The following UACA variants were observed in gnomAD, a reference collection of about 807,000 sequenced individuals.
The protein encoded by UACA is uveal autoantigen with coiled-coil domains and ankyrin repeats, also known as nuclear membrane binding protein.
In UACA, 112 loss-of-function variants were observed where a neutral mutation model predicts 160.5. The observed-to-expected ratio is 0.70, with a 90% confidence interval of 0.60 to 0.82. The LOEUF is 0.82. Among genes scored for constraint, UACA ranks in the 40% least tolerant of loss-of-function variants. The pLI is 0.00. For synonymous variants in UACA, 557 were observed against 568.4 expected (o/e 0.98, Z 0.29); for missense variants, 1,574 against 1,614.6 (o/e 0.97, Z 0.43).
chr15:70,698,255 T>A (rs1460333072), intron 2 of UACA, among the ~76,000 whole-genome samples: 1 of 152,110 alleles, frequency 6.6e-6, no homozygotes, highest in Admixed American at 6.6e-5. Flanking sequence ...ACATTCGAAG[T>A]ATGAATGGGC....
intron 1 of UACA, among the ~76,000 whole-genome samples, chr15:70,721,083 T>C (rs1898976527): frequency 6.6e-6 from 1 of 151,930 alleles, no homozygotes; most frequent in African/African-American, 2.4e-5. Context: ...TGCAGTGAAG[T>C]TGATTAATAC....
intron 1 of UACA, among the ~76,000 whole-genome samples, chr15:70,719,300 C>T (rs1320987400): frequency 6.6e-6 from 1 of 152,136 alleles, no homozygotes; most frequent in Non-Finnish European, 1.5e-5. Context: ...TGACATAAAC[C>T]CAGGGCAAAG....
chr15:70,667,247 T>C lies in UACA; in HGVS notation c.3437A>G (p.Gln1146Arg), dbSNP rs989553182. ...TTGATGCAGTTTGGTCACTGTCTGC[T>C]GCTCTTTCTCGTAACACCTTTGCAT... ...KSMQRCYEKE[Q>R]QTVTKLHQLL... The change falls in exon 16 of 19, where the codon CAG becomes CGG. Residue 1146 changes from glutamine (Q) to arginine (R), a missense_variant. Transcript: ENST00000322954. The C allele has an allele frequency of 6.2e-7, 1 of 1,613,932 alleles. No homozygotes were observed. The highest frequency in any genetic ancestry group is 8.5e-7 in the Non-Finnish European group (1 of 1,179,968).
intron 1 of UACA, among the ~76,000 whole-genome samples, chr15:70,741,177 C>T (rs1899524032): frequency 6.6e-6 from 1 of 152,194 alleles, no homozygotes; most frequent in African/African-American, 2.4e-5. Context: ...AGGCAAGAGC[C>T]TGCTGTTCTC....
At chr15:70,708,321 A>G (rs537513148) in intron 1 of UACA, among the ~76,000 whole-genome samples, 1 of 152,306 alleles carries the variant, frequency 6.6e-6, no homozygotes, top group East Asian at 1.9e-4. Context: ...TCAATTTTGC[A>G]AGATAAAGTT....
intron 17 of UACA, chr15:70,660,512 G>A: frequency 3.1e-6 from 1 of 323,816 alleles, no homozygotes; most frequent in Non-Finnish European, 5.6e-6. Context: ...CACATGTCTG[G>A]ATTATTGCAA....
rs370819736 is a variant in UACA at position 70,655,692 on chromosome 15, G to A, written c.*1364C>T. 12 of 152,242 alleles carry A rather than the reference G, an allele frequency of 7.9e-5. No individual in the cohort carries two copies. Among genetic ancestry groups the A allele is most frequent in the African/African-American group, 2.9e-4 (12 of 41,554 alleles). 9.4% of individuals were successfully genotyped at this position (152,242 alleles called of 1,614,324 possible). A position where few individuals can be genotyped will look rare whatever the true frequency, so the allele number is the denominator to read the frequency against. On this transcript the variant is annotated 3_prime_UTR_variant, in exon 19 of 19. Coordinates refer to ENST00000322954, the MANE Select transcript of UACA (RefSeq NM_018003.4). The stretch of plus-strand genomic sequence containing the variant: ...AACAAATCCAATTCTGACTTTCAAT[G>A]TTGTTTCAACACCGAAAAAATATGA...
At chr15:70,693,487 CATT>C (rs1292079927) in intron 3 of UACA, among the ~76,000 whole-genome samples, 2 of 152,050 alleles carry the variant, frequency 1.3e-5, no homozygotes, top group Admixed American at 6.6e-5. Context: ...TTATAACAGA[CATT>C]ATAGCAATTG....
At chr15:70,729,861 GGCACCCCCCAGC>G (rs1899266942) in intron 1 of UACA, among the ~76,000 whole-genome samples, 3 of 125,186 alleles carry the variant, frequency 2.4e-5, no homozygotes, top group Admixed American at 7.6e-5. Context: ...CTAACTGGGA[GGCACCCCCCAGC>G]AGGGGCACAC....
At chr15:70,664,988 A>G (rs929514604) in intron 16 of UACA, 174 bp from the exon 17 acceptor site, 1 of 466,118 alleles carries the variant, frequency 2.1e-6, no homozygotes, top group Non-Finnish European at 3.7e-6. Flanking sequence ...TGTAATTTAT[A>G]ATTAAATCCC....
chr15:70,686,114 C>A (rs1395283039), intron 7 of UACA, among the ~76,000 whole-genome samples: 1 of 151,696 alleles, frequency 6.6e-6, no homozygotes, highest in Non-Finnish European at 1.5e-5. Context: ...TATTAAAAAG[C>A]CACTTCTTAA....
At chr15:70,710,201 GC>G (rs1898641474) in intron 1 of UACA, among the ~76,000 whole-genome samples, 1 of 152,168 alleles carries the variant, frequency 6.6e-6, no homozygotes, top group South Asian at 2.1e-4. Flanking sequence ...GCTGCAGTGA[GC>G]CAAGTTCGTG....
chr15:70,663,106 C>T (rs1182143154), intron 17 of UACA, among the ~76,000 whole-genome samples: 1 of 152,198 alleles, frequency 6.6e-6, no homozygotes, highest in Non-Finnish European at 1.5e-5. Flanking sequence ...TTTTTGCAAT[C>T]CACTCATCTG....
intron 1 of UACA, among the ~76,000 whole-genome samples, chr15:70,762,306 T>C (rs1332110546): frequency 6.6e-6 from 1 of 152,200 alleles, no homozygotes. Flanking sequence ...ATAAAAAGAA[T>C]ATAATCATTT....
intron 16 of UACA, 54 bp from the exon 17 acceptor site, chr15:70,664,868 A>T: frequency 6.9e-7 from 1 of 1,445,132 alleles, no homozygotes; most frequent in Non-Finnish European, 9.4e-7. Context: ...TGTACAATGA[A>T]CATCTTTGTA....
At chr15:70,728,208 C>T (rs1899204751) in intron 1 of UACA, among the ~76,000 whole-genome samples, 1 of 152,252 alleles carries the variant, frequency 6.6e-6, no homozygotes, top group South Asian at 2.1e-4. Context: ...CTACCTTTCA[C>T]CATATACAAA....
the UACA span, among the ~76,000 whole-genome samples, chr15:70,769,338 CAAAAA>C: frequency 1.3e-5 from 1 of 77,700 alleles, no homozygotes; most frequent in Non-Finnish European, 2.2e-5. Flanking sequence ...GACTCCGACT[CAAAAA>C]AAAAAAAAAA....
intron 13 of UACA, among the ~76,000 whole-genome samples, chr15:70,673,145 G>C (rs1440579100): frequency 6.6e-6 from 1 of 151,656 alleles, no homozygotes; most frequent in Non-Finnish European, 1.5e-5. Flanking sequence ...ACATTAGCTG[G>C]GCAGGGTAAC....
intron 1 of UACA, chr15:70,758,580 A>T (rs1462507014): frequency 6.6e-6 from 1 of 152,200 alleles, no homozygotes; most frequent in African/African-American, 2.4e-5. Context: ...TCAACAACTA[A>T]AACAAAATCA....
Sources: allele counts gnomAD v4.1 joint callset (sites outside exome capture counted in the v4.1 genomes callset), GRCh38; gene constraint gnomAD v4.1.1; transcripts MANE v1.5; gene names NCBI Gene and HGNC (gene_info 2026-07-23, HGNC 2026-07-21).